Variants in EIF3F observed in about 807,000 individuals in gnomAD.
EIF3F encodes deubiquitinating enzyme eIF3f.
In EIF3F, 8 loss-of-function variants were observed where a neutral mutation model predicts 36.0. That is an observed-to-expected ratio of 0.22 (90% CI 0.13 to 0.40). The LOEUF is 0.40. Ranked by LOEUF, EIF3F falls within the 10% of genes least tolerant of loss-of-function variation. The pLI is 1.00. For missense variants in EIF3F, 430 were observed against 467.6 expected, an observed-to-expected ratio of 0.92 and a Z score of 0.74; for synonymous variants, 184 against 188.5, an observed-to-expected ratio of 0.98 and a Z score of 0.19.
rs1942193699 is a variant in EIF3F at position 7,999,204 on chromosome 11, G to T, written c.*3182G>T. ...AGAATCTCGAACCCAGGAGGTAGGGGTTGCAGTGAGCTGAGATCGCACCAC... is the reference window on the plus strand; with the variant it reads ...AGAATCTCGAACCCAGGAGGTAGGGTTTGCAGTGAGCTGAGATCGCACCAC... On this transcript the variant is annotated 3_prime_UTR_variant, in exon 8 of 8. Coordinates refer to ENST00000651655, the MANE Select transcript of EIF3F (RefSeq NM_003754.3). 6.6e-6 allele frequency: 1 copy of T among 152,234 alleles called. No homozygotes were observed. Among genetic ancestry groups the T allele is most frequent in the Non-Finnish European group, 1.5e-5 (1 of 68,070 alleles). The allele number at this position is 152,234 out of a possible 1,614,324, so 9.4% of individuals were successfully genotyped here. A position where few individuals can be genotyped will look rare whatever the true frequency, so the allele number is the denominator to read the frequency against.
chr11:7,994,315 C>G lies in EIF3F; in HGVS notation c.654-111C>G, dbSNP rs1942136686. 5 of 909,878 alleles carry G rather than the reference C, an allele frequency of 5.5e-6. No individual in the cohort carries two copies. The East Asian group carries it at 8.1e-5, about 15-fold the overall frequency. 56.4% of individuals were successfully genotyped at this position (909,878 alleles called of 1,614,324 possible). A position where few individuals can be genotyped will look rare whatever the true frequency, so the allele number is the denominator to read the frequency against. ...TGGGGTTCATTTGGTCCCACCCTTTCTATCAGAACCTTGAGAGCCATATTC... is the reference window on the plus strand; with the variant it reads ...TGGGGTTCATTTGGTCCCACCCTTTGTATCAGAACCTTGAGAGCCATATTC... On this transcript the variant is annotated intron_variant, in intron 4 of 7. Coordinates refer to ENST00000651655, the MANE Select transcript of EIF3F (RefSeq NM_003754.3).
chr11:7,999,394 G>C lies in EIF3F; in HGVS notation c.*3372G>C, dbSNP rs568854224. 6.6e-6 allele frequency: 1 copy of C among 152,268 alleles called. No homozygotes were observed. Among genetic ancestry groups the C allele is most frequent in the South Asian group, 2.1e-4 (1 of 4,826 alleles). The allele number at this position is 152,268 out of a possible 1,614,324, so 9.4% of individuals were successfully genotyped here. ...TCACTTGAAGGCATATCATGTTCTTGAATAAGAAGACTCAACATTATTTTA... is the reference window on the plus strand; with the variant it reads ...TCACTTGAAGGCATATCATGTTCTTCAATAAGAAGACTCAACATTATTTTA... On this transcript the variant is annotated 3_prime_UTR_variant, in exon 8 of 8. Transcript: ENST00000651655.
chr11:7,989,293 A>C (rs533518598), intron 1 of EIF3F, among the ~76,000 whole-genome samples: 269 of 152,336 alleles, frequency 1.8e-3, no homozygotes, highest in African/African-American at 6.1e-3. Flanking sequence ...CGCTAAAGCT[A>C]TTTAAAGAAA....
In EIF3F at chr11:7,999,458, A is replaced by C. The variant is rs977138687; in HGVS notation, c.*3436A>C. On this transcript the variant is annotated 3_prime_UTR_variant, in exon 8 of 8. Transcript: ENST00000651655. ...TTCCCTGTTAAACTACATATTTGTC[A>C]TAATTACAATAAAATACAAAGAGCT... The C allele has an allele frequency of 1.3e-5, 2 of 152,246 alleles. No homozygotes were observed. The highest frequency in any genetic ancestry group is 1.9e-4 in the East Asian group (1 of 5,202). The allele number at this position is 152,246 out of a possible 1,614,324, so 9.4% of individuals were successfully genotyped here. A position where few individuals can be genotyped will look rare whatever the true frequency, so the allele number is the denominator to read the frequency against.
intron 5 of EIF3F, 136 bp downstream of exon 5, chr11:7,994,653 T>A: frequency 1.3e-6 from 1 of 790,496 alleles, no homozygotes; most frequent in South Asian, 1.9e-5. Context: ...AGACTAGAAG[T>A]CACAGTCATC....
At chr11:7,992,014 C>T in intron 2 of EIF3F, 70 bp from the exon 3 acceptor site, 2 of 1,553,972 alleles carry the variant, frequency 1.3e-6, no homozygotes, top group Non-Finnish European at 8.8e-7. Flanking sequence ...GGGGTGGCCT[C>T]TTGTCCTTTT....
In EIF3F at chr11:7,987,358, C is replaced by A; in HGVS notation, c.6C>A (p.Ala2=). 1.3e-6 allele frequency: 2 copies of A among 1,592,862 alleles called. No individual in the cohort carries two copies. Among genetic ancestry groups the A allele is most frequent in the Non-Finnish European group, 1.7e-6 (2 of 1,176,162 alleles). The change falls in exon 1 of 8, where the codon GCC becomes GCA. Residue 2 remains alanine (A), a synonymous_variant. Coordinates refer to ENST00000651655, the MANE Select transcript of EIF3F (RefSeq NM_003754.3). M[A]TPAVPVSAPP... ...CCTCCTTCTTTCTCGACAAGATGGC[C>A]ACACCGGCGGTACCAGTAAGTGCTC...
Position 7,997,208 on chromosome 11 carries a change from G to C in EIF3F, c.*1186G>C, listed in dbSNP as rs1942170645. The C allele has an allele frequency of 6.6e-6, 1 of 152,176 alleles. No homozygotes were observed. Among genetic ancestry groups the C allele is most frequent in the Non-Finnish European group, 1.5e-5 (1 of 68,040 alleles). The allele number at this position is 152,176 out of a possible 1,614,324, so 9.4% of individuals were successfully genotyped here. A position where few individuals can be genotyped will look rare whatever the true frequency, so the allele number is the denominator to read the frequency against. On this transcript the variant is annotated 3_prime_UTR_variant, in exon 8 of 8. Transcript: ENST00000651655. ...AGGGAAATGTAAACAGATCTTATCG[G>C]CAAAATGATAATGACAGGCCAAATT...
intron 1 of EIF3F, among the ~76,000 whole-genome samples, chr11:7,989,076 C>T (rs1004265847): frequency 1.3e-5 from 2 of 152,172 alleles, no homozygotes; most frequent in Non-Finnish European, 2.9e-5. Flanking sequence ...TAAGCTCTAC[C>T]TACCTTCCAC....
At chr11:7,988,799 C>A (rs1184024285) in intron 1 of EIF3F, among the ~76,000 whole-genome samples, 4 of 152,236 alleles carry the variant, frequency 2.6e-5, no homozygotes, top group African/African-American at 9.6e-5. Flanking sequence ...TCAGGAGCTA[C>A]TTTAGACTTA....
chr11:7,993,831 A>AGTATAT (rs952994448), intron 4 of EIF3F, among the ~76,000 whole-genome samples: 3 of 121,198 alleles, frequency 2.5e-5, no homozygotes, highest in African/African-American at 1.2e-4. Flanking sequence ...CTCAAGATCC[A>AGTATAT]GTATATATAT....
rs959499124 is a variant in EIF3F, at chr11:8,001,479, A to T, written c.*5457A>T. The stretch of plus-strand genomic sequence containing the variant: ...ATAGCGTAAAGATGGTAATCAACCC[A>T]AATGACTATTACCAGAATAGAAATT... On this transcript the variant is annotated 3_prime_UTR_variant, in exon 8 of 8. Transcript: ENST00000651655. 1 of 152,240 alleles carries T rather than the reference A, an allele frequency of 6.6e-6. No homozygotes were observed. The highest frequency in any genetic ancestry group is 1.5e-5 in the Non-Finnish European group (1 of 68,036). The allele number at this position is 152,240 out of a possible 1,614,324, so 9.4% of individuals were successfully genotyped here.
chr11:7,992,138 T>G lies in EIF3F; in HGVS notation c.490T>G (p.Ser164Ala). The G allele has an allele frequency of 6.2e-7, 1 of 1,613,470 alleles. No individual in the cohort carries two copies. The highest frequency in any genetic ancestry group is 1.7e-5 in the Admixed American group (1 of 60,014). The part of the protein sequence containing the change: ...KNMYELHKKV[S>A]PNELILGWYA... The stretch of plus-strand genomic sequence containing the variant: ...TATGTATGAACTGCATAAAAAAGTT[T>G]CTCCAAATGAGCTCATCCTGGGCTG... Residue 164 changes from serine to alanine, a missense_variant, in exon 3 of 8, where the codon TCT becomes GCT. By Grantham distance (99) the Ser-to-Ala change is moderately conservative (BLOSUM62 1). Around this residue, in one of 2 missense-constraint regions of EIF3F, gnomAD observed 262 missense variants for 347.4 expected, o/e 0.75. Transcript: ENST00000651655.
intron 5 of EIF3F, 26 bp downstream of exon 5, chr11:7,994,543 G>A (rs755489020): frequency 4.4e-6 from 7 of 1,602,824 alleles, no homozygotes; most frequent in Admixed American, 3.4e-5. Context: ...ATACACTCGC[G>A]AGAGGCCATA....
intron 1 of EIF3F, among the ~76,000 whole-genome samples, chr11:7,988,144 A>G (rs567810892): frequency 1.3e-5 from 2 of 152,316 alleles, no homozygotes; most frequent in Admixed American, 1.3e-4. Flanking sequence ...TTTCTCCCTT[A>G]TCCACTGACT....
chr11:7,991,981 TC>T, intron 2 of EIF3F, 102 bp from the exon 3 acceptor site: 1 of 1,469,118 alleles, frequency 6.8e-7, no homozygotes, highest in South Asian at 1.1e-5. Flanking sequence ...TGTACGTACT[TC>T]CTGGGCCTCT....
In EIF3F at chr11:8,000,179, A is replaced by G. The variant is rs1942204630; in HGVS notation, c.*4157A>G. 1 of 151,972 alleles carries G rather than the reference A, an allele frequency of 6.6e-6. No homozygotes were observed. Among genetic ancestry groups the G allele is most frequent in the Non-Finnish European group, 1.5e-5 (1 of 68,036 alleles). The allele number at this position is 151,972 out of a possible 1,614,324, so 9.4% of individuals were successfully genotyped here. A position where few individuals can be genotyped will look rare whatever the true frequency, so the allele number is the denominator to read the frequency against. On this transcript the variant is annotated 3_prime_UTR_variant, in exon 8 of 8. Transcript: ENST00000651655. ...CCGCCACTGCAGTCCAGCCTGAGCGACAAGAGTGAGAAGAGTGAGACTTCA... is the reference window on the plus strand; with the variant it reads ...CCGCCACTGCAGTCCAGCCTGAGCGGCAAGAGTGAGAAGAGTGAGACTTCA...
rs1942036978 is a variant in EIF3F at position 7,987,464 on chromosome 11, G to C, written c.112G>C (p.Val38Leu). The C allele has an allele frequency of 6.2e-7, 1 of 1,604,832 alleles. No homozygotes were observed. Among genetic ancestry groups the C allele is most frequent in the Non-Finnish European group, 8.5e-7 (1 of 1,178,864 alleles). The change falls in exon 1 of 8, where the codon GTT becomes CTT. Residue 38 changes from valine (V) to leucine (L), a missense_variant. Transcript: ENST00000651655. ...AACGCCAGCACCGGCTGCGGCTCCGGTTCCCGCTGCGGCTCCAGCCTCATC... is the reference window on the plus strand; with the variant it reads ...AACGCCAGCACCGGCTGCGGCTCCGCTTCCCGCTGCGGCTCCAGCCTCATC... ...APTPAPAAAP[V>L]PAAAPASSSD...
At position 8,000,279 on chromosome 11, in the gene EIF3F, A is replaced by T. The variant is rs1942206193; in HGVS notation, c.*4257A>T. 6.6e-6 allele frequency: 1 copy of T among 152,198 alleles called. No homozygotes were observed. The highest frequency in any genetic ancestry group is 1.5e-5 in the Non-Finnish European group (1 of 68,042). The allele number at this position is 152,198 out of a possible 1,614,324, so 9.4% of individuals were successfully genotyped here. A position where few individuals can be genotyped will look rare whatever the true frequency, so the allele number is the denominator to read the frequency against. ...AAAAGAAGGAAATAACTGATTTACAACAACATGGATGGACCTGGAGGACAC... is the reference window on the plus strand; with the variant it reads ...AAAAGAAGGAAATAACTGATTTACATCAACATGGATGGACCTGGAGGACAC... On this transcript the variant is annotated 3_prime_UTR_variant, in exon 8 of 8. Coordinates refer to ENST00000651655, the MANE Select transcript of EIF3F (RefSeq NM_003754.3).
Sources: gnomAD v4.1 joint callset for allele counts (sites outside exome capture counted in the v4.1 genomes callset) on GRCh38, gnomAD v4.1.1 for gene constraint, gnomAD v4.1.1 regional missense constraint, MANE v1.5 for transcripts, NCBI Gene and HGNC (gene_info 2026-07-23, HGNC 2026-07-21) for gene names.